Variants in CD28 observed in about 807,000 individuals in gnomAD.
The protein encoded by CD28 is T-cell-specific surface glycoprotein CD28.
Under a neutral mutation model 21.4 loss-of-function variants are expected in CD28, and 8 were observed. The observed-to-expected ratio is 0.37, with a 90% CI of 0.22 to 0.68. The LOEUF (loss-of-function observed/expected upper bound fraction) is 0.68. Ranked by LOEUF, CD28 falls within the 30% of genes least tolerant of loss-of-function variation. CD28 has a pLI of 0.55. For synonymous variants in CD28, 106 were observed against 104.0 expected (o/e 1.02, Z -0.12); for missense variants, 239 against 272.2 (o/e 0.88, Z 0.86).
intron 1 of CD28, 45 bp from the exon 2 acceptor site, chr2:203,726,588 A>C: frequency 7.1e-7 from 1 of 1,412,412 alleles, no homozygotes; most frequent in South Asian, 1.3e-5. Flanking sequence ...AAGAAAAATT[A>C]TCCTTATATT....
At chr2:203,710,121 G>C (rs73048755) in intron 1 of CD28, among the ~76,000 whole-genome samples, 2,448 of 152,276 alleles carry the variant, frequency 0.016, 84 homozygotes, top group African/African-American at 0.056. Flanking sequence ...GGGAAAGTAA[G>C]GTGAAAAGAT....
upstream of CD28, chr2:203,706,602 T>C (rs757088307): frequency 1.2e-6 from 2 of 1,607,366 alleles, no homozygotes; most frequent in Non-Finnish European, 1.7e-6. Flanking sequence ...TGACGGAGAC[T>C]CTCAGGCCTT....
chr2:203,730,295 G>A (rs1693854533), intron 3 of CD28, among the ~76,000 whole-genome samples: 1 of 152,128 alleles, frequency 6.6e-6, no homozygotes, highest in African/African-American at 2.4e-5. Context: ...GTGAGGCCAA[G>A]TATGGTGCTG....
chr2:203,727,700 G>A (rs1206827356), intron 2 of CD28, among the ~76,000 whole-genome samples: 1 of 145,852 alleles, frequency 6.9e-6, no homozygotes, highest in East Asian at 2.0e-4. Flanking sequence ...TTTTTTTTGA[G>A]AGGGAGTCTT....
rs1175887106 is a variant in CD28, at chr2:203,735,638, A to G, written c.*726A>G. ...TGAGACTTCAGTGTTAATGTTCACA[A>G]TATACTTTCGAAAGAATAAAATAGT... is the stretch of plus-strand genomic sequence containing the variant. On this transcript the variant is annotated 3_prime_UTR_variant, in exon 4 of 4. Coordinates refer to ENST00000324106, the MANE Select transcript of CD28 (RefSeq NM_006139.4). The G allele has an allele frequency of 6.6e-6, 1 of 152,578 alleles. No individual in the cohort carries two copies. Among genetic ancestry groups the G allele is most frequent in the Non-Finnish European group, 1.5e-5 (1 of 68,044 alleles). 9.5% of individuals were successfully genotyped at this position (152,578 alleles called of 1,614,324 possible). A position where few individuals can be genotyped will look rare whatever the true frequency, so the allele number is the denominator to read the frequency against.
chr2:203,708,350 A>G (rs1355718710), intron 1 of CD28, among the ~76,000 whole-genome samples: 1 of 152,240 alleles, frequency 6.6e-6, no homozygotes, highest in Non-Finnish European at 1.5e-5. Flanking sequence ...AATCTTTAAC[A>G]TTTATTTTAA....
chr2:203,708,499 G>A (rs1013013969), intron 1 of CD28, among the ~76,000 whole-genome samples: 4 of 152,168 alleles, frequency 2.6e-5, no homozygotes, highest in Non-Finnish European at 4.4e-5. Flanking sequence ...ATACTTTTCT[G>A]ATGTGCTTTG....
intron 3 of CD28, among the ~76,000 whole-genome samples, chr2:203,731,270 C>T (rs1349842001): frequency 1.3e-5 from 2 of 152,244 alleles, no homozygotes; most frequent in African/African-American, 2.4e-5. Context: ...TTTCACCTTT[C>T]CAGATCTTGG....
chr2:203,708,235 G>A (rs1310618290), intron 1 of CD28, among the ~76,000 whole-genome samples: 1 of 152,116 alleles, frequency 6.6e-6, no homozygotes, highest in African/African-American at 2.4e-5. Context: ...GTACCAGTGA[G>A]CACAAATTGT....
chr2:203,711,079 T>G (rs1693298851), intron 1 of CD28, among the ~76,000 whole-genome samples: 1 of 152,190 alleles, frequency 6.6e-6, no homozygotes, highest in South Asian at 2.1e-4. Flanking sequence ...GGTGATTTAT[T>G]TGGCCGTTTT....
intron 1 of CD28, among the ~76,000 whole-genome samples, chr2:203,724,227 G>A (rs1200414392): frequency 6.6e-6 from 1 of 152,182 alleles, no homozygotes; most frequent in Non-Finnish European, 1.5e-5. Flanking sequence ...GGATTTAAGG[G>A]AGGGAGGAAG....
intron 3 of CD28, among the ~76,000 whole-genome samples, chr2:203,730,203 T>C (rs1489662724): frequency 6.6e-6 from 1 of 152,200 alleles, no homozygotes; most frequent in Non-Finnish European, 1.5e-5. Flanking sequence ...GCTACTGAAA[T>C]TGTGTATTCA....
In CD28 at chr2:203,735,033, T is replaced by C; in HGVS notation, c.*121T>C. 8.3e-7 allele frequency: 1 copy of C among 1,205,402 alleles called. No individual in the cohort carries two copies. Among genetic ancestry groups the C allele is most frequent in the Non-Finnish European group, 1.2e-6 (1 of 861,088 alleles). The allele number at this position is 1,205,402 out of a possible 1,614,324, so 74.7% of individuals were successfully genotyped here. A position where few individuals can be genotyped will look rare whatever the true frequency, so the allele number is the denominator to read the frequency against. On this transcript the variant is annotated 3_prime_UTR_variant, in exon 4 of 4. Transcript: ENST00000324106. ...CCTCAGGCCCCTGTTGGGCCACCAA[T>C]GCCAATTTTTCTCGAGTGACTAGAC...
In CD28 at chr2:203,707,483, T is replaced by C. The variant is rs1380739358; in HGVS notation, c.52+735T>C. 2.6e-5 allele frequency among the ~76,000 whole-genome samples: 4 copies of C among 152,214 alleles called. No homozygotes were observed. The East Asian group carries it at 7.7e-4, about 29-fold the overall frequency. ...TACCTGAATTGAATGAGTTCCAACA[T>C]GAATTCTGGAGTCACCACAGAAGCT... On this transcript the variant is annotated intron_variant, in intron 1 of 3. Coordinates refer to ENST00000324106, the MANE Select transcript of CD28 (RefSeq NM_006139.4).
intron 1 of CD28, among the ~76,000 whole-genome samples, chr2:203,710,770 C>T (rs1229850852): frequency 6.6e-6 from 1 of 152,170 alleles, no homozygotes; most frequent in African/African-American, 2.4e-5. Context: ...TGAGGATACG[C>T]AATTCATGTC....
intron 2 of CD28, 34 bp downstream of exon 2, chr2:203,727,023 A>G (rs774549296): frequency 7.5e-6 from 10 of 1,334,604 alleles, no homozygotes; most frequent in Non-Finnish European, 1.1e-5. Context: ...ACCACCCTAA[A>G]GTAATGGTTT....
At position 203,736,779 on chromosome 2, in the gene CD28, A is replaced by T. The variant is rs964946351; in HGVS notation, c.*1867A>T. 4 of 152,236 alleles carry T rather than the reference A, an allele frequency of 2.6e-5. No homozygotes were observed. Among genetic ancestry groups the T allele is most frequent in the African/African-American group, 9.6e-5 (4 of 41,464 alleles). 9.4% of individuals were successfully genotyped at this position (152,236 alleles called of 1,614,324 possible). On this transcript the variant is annotated 3_prime_UTR_variant, in exon 4 of 4. Coordinates refer to ENST00000324106, the MANE Select transcript of CD28 (RefSeq NM_006139.4). ...GCCCACCTAAGATGATGGTTCTTCA[A>T]CTATAAAATGGAGATAATGGTTACA...
At chr2:203,721,379 G>T (rs1247223817) in intron 1 of CD28, among the ~76,000 whole-genome samples, 1 of 152,092 alleles carries the variant, frequency 6.6e-6, no homozygotes, top group Non-Finnish European at 1.5e-5. Flanking sequence ...AACTATGCTT[G>T]CTCTGACAAT....
At chr2:203,709,126 T>C (rs1180372162) in intron 1 of CD28, among the ~76,000 whole-genome samples, 1 of 151,068 alleles carries the variant, frequency 6.6e-6, no homozygotes, top group Non-Finnish European at 1.5e-5. Flanking sequence ...AAAAAAAAAT[T>C]ATGCTGCATT....
Sources: gnomAD v4.1 joint callset for allele counts (sites outside exome capture counted in the v4.1 genomes callset) on GRCh38, gnomAD v4.1.1 for gene constraint, MANE v1.5 for transcripts, NCBI Gene and HGNC (gene_info 2026-07-23, HGNC 2026-07-21) for gene names.